Variants in SRGAP2 observed in about 807,000 individuals in gnomAD.
The protein encoded by SRGAP2 is SLIT-ROBO Rho GTPase-activating protein 2.
A neutral mutation model predicts 57.2 loss-of-function variants in SRGAP2; 15 were observed. The ratio of observed to expected loss-of-function variants is 0.26; its 90% CI spans 0.18 to 0.40. SRGAP2 has a LOEUF of 0.40. SRGAP2 is among the 10% of genes least tolerant of loss of function. The pLI, the probability that SRGAP2 is intolerant of heterozygous loss-of-function variation, is 1.00. For missense variants in SRGAP2, 520 were observed against 669.6 expected (o/e 0.78, Z 2.47); for synonymous variants, 249 against 248.0 (o/e 1.00, Z -0.04).
At chr1:206,223,007 C>T (rs530894052) in intron 2 of SRGAP2, among the ~76,000 whole-genome samples, 66 of 151,716 alleles carry the variant, frequency 4.4e-4, no homozygotes, top group Non-Finnish European at 8.8e-4. Context: ...CTCCTGACCT[C>T]AAGTGATCCT....
intron 4 of SRGAP2, among the ~76,000 whole-genome samples, chr1:206,354,819 CT>C (rs1177450158): frequency 2.0e-5 from 3 of 146,654 alleles, no homozygotes; most frequent in Non-Finnish European, 3.0e-5. Context: ...TCTCTTCCCT[CT>C]CCTTTCTCTC....
Position 206,454,779 on chromosome 1 carries a change from G to T in SRGAP2, c.2361-99G>T, listed in dbSNP as rs982197009. On this transcript the variant is annotated intron_variant, in intron 20 of 22. Transcript: ENST00000573034. The surrounding 1 kb of genome is among the most constrained non-coding windows in gnomAD (Gnocchi z 4.3). ...CGCTGCTGCCTCAGAGCTGTGTGGG[G>T]TCGCGTGTATGTCGGGGGGCCATCT... 28 of 638,476 alleles carry T rather than the reference G, an allele frequency of 4.4e-5. No homozygotes were observed. In the South Asian group the frequency reaches 4.8e-4, roughly 11 times the overall value. The allele number at this position is 638,476 out of a possible 1,614,324, so 39.6% of individuals were successfully genotyped here. A position where few individuals can be genotyped will look rare whatever the true frequency, so the allele number is the denominator to read the frequency against.
chr1:206,427,154 G>T (rs1313753701), intron 13 of SRGAP2, among the ~76,000 whole-genome samples: 1 of 152,088 alleles, frequency 6.6e-6, no homozygotes, highest in African/African-American at 2.4e-5. Flanking sequence ...TATGGTGAGA[G>T]ATAGGATCTA....
intron 2 of SRGAP2, among the ~76,000 whole-genome samples, chr1:206,264,076 C>T (rs1450485774): frequency 6.6e-6 from 1 of 151,690 alleles, no homozygotes; most frequent in Non-Finnish European, 1.5e-5. Context: ...AAATGACAAC[C>T]GAGAATGATA....
intron 14 of SRGAP2, 25 bp downstream of exon 14, chr1:206,430,247 A>G (rs370064579): frequency 2.6e-6 from 2 of 780,518 alleles, no homozygotes; most frequent in Middle Eastern, 2.3e-4. Context: ...AGCCTTGTCC[A>G]TATTTGTGCA....
intron 10 of SRGAP2, among the ~76,000 whole-genome samples, chr1:206,414,547 CTT>C (rs1380963890): frequency 6.6e-6 from 1 of 152,182 alleles, no homozygotes; most frequent in African/African-American, 2.4e-5. Context: ...GGCCATTTGA[CTT>C]CTGAGTTCAG....
intron 4 of SRGAP2, among the ~76,000 whole-genome samples, chr1:206,344,198 ATCTAC>A (rs1675444191): frequency 6.8e-6 from 1 of 146,334 alleles, no homozygotes; most frequent in Admixed American, 6.8e-5. Context: ...GGAATCTTCC[ATCTAC>A]CTAATTGCAT....
At chr1:206,451,364 T>C (rs1250870630) in intron 19 of SRGAP2, among the ~76,000 whole-genome samples, 1 of 152,112 alleles carries the variant, frequency 6.6e-6, no homozygotes, top group African/African-American at 2.4e-5. Context: ...GCAGTGCCCA[T>C]GCTTTATGAG....
Position 206,454,222 on chromosome 1 carries a change from G to A in SRGAP2, c.2361-656G>A. 1 of 702,230 alleles carries A rather than the reference G, an allele frequency of 1.4e-6. No individual in the cohort carries two copies. The highest frequency in any genetic ancestry group is 2.6e-6 in the Non-Finnish European group (1 of 384,848). 43.5% of individuals were successfully genotyped at this position (702,230 alleles called of 1,614,324 possible). A position where few individuals can be genotyped will look rare whatever the true frequency, so the allele number is the denominator to read the frequency against. On this transcript the variant is annotated intron_variant, in intron 20 of 22. Coordinates refer to ENST00000573034, the MANE Select transcript of SRGAP2 (RefSeq NM_015326.5). This position sits in a 1 kb window ranked among gnomAD's most constrained non-coding sequence, Gnocchi z 4.3. ...CAGGGAAATCCTCCCTCTGTTGATA[G>A]CATCGCAAACCTGGTGGCAATCTGT...
chr1:206,440,050 A>G lies in SRGAP2; in HGVS notation c.1843A>G (p.Ile615Val), dbSNP rs782270172. 6.4e-6 allele frequency: 5 copies of G among 780,824 alleles called. No individual in the cohort carries two copies. Among genetic ancestry groups the G allele is most frequent in the Non-Finnish European group, 7.2e-6 (3 of 417,998 alleles). The allele number at this position is 780,824 out of a possible 1,614,324, so 48.4% of individuals were successfully genotyped here. ...AGTCCTGCCCAAAACCACTCTGATTATCATGAGATACCTCTTTGCCTTCCT... is the reference window on the plus strand; with the variant it reads ...AGTCCTGCCCAAAACCACTCTGATTGTCATGAGATACCTCTTTGCCTTCCT... ...LLVLPKTTLIIMRYLFAFLNH... is the reference protein window; with the variant it reads ...LLVLPKTTLIVMRYLFAFLNH... The change falls in exon 17 of 23, where the codon ATC becomes GTC. Residue 615 changes from isoleucine (I) to valine (V), a missense_variant. Transcript: ENST00000573034.
intron 3 of SRGAP2, among the ~76,000 whole-genome samples, chr1:206,305,770 A>G (rs1251447535): frequency 6.6e-6 from 1 of 150,572 alleles, no homozygotes; most frequent in Non-Finnish European, 1.5e-5. Context: ...AATACAGGAC[A>G]CAAATTATCC....
chr1:206,425,521 CT>C (rs202139027), intron 13 of SRGAP2, among the ~76,000 whole-genome samples: 1 of 151,326 alleles, frequency 6.6e-6, no homozygotes, highest in East Asian at 1.9e-4. Flanking sequence ...ACTAACCTCA[CT>C]TTTTTTTTGT....
intron 17 of SRGAP2, among the ~76,000 whole-genome samples, chr1:206,440,665 A>T (rs1296020405): frequency 6.6e-6 from 1 of 151,686 alleles, no homozygotes; most frequent in Non-Finnish European, 1.5e-5. Context: ...CTCCTGCCTC[A>T]GCCTCCTGAG....
At chr1:206,448,179 T>C (rs1662938571) in intron 18 of SRGAP2, among the ~76,000 whole-genome samples, 1 of 151,458 alleles carries the variant, frequency 6.6e-6, no homozygotes, top group South Asian at 2.1e-4. Context: ...GTGAGGGTGG[T>C]AGAAGGGGAG....
chr1:206,454,619 T>C lies in SRGAP2; in HGVS notation c.2361-259T>C, dbSNP rs531974236. On this transcript the variant is annotated intron_variant, in intron 20 of 22. Coordinates refer to ENST00000573034, the MANE Select transcript of SRGAP2 (RefSeq NM_015326.5). The surrounding 1 kb of genome is among the most constrained non-coding windows in gnomAD (Gnocchi z 4.3). ...AGAAGGCAGATGCCTCGAATCCAGGTGTCCCCTAGCCACGCTTTCCTGAGG... is the reference window on the plus strand; with the variant it reads ...AGAAGGCAGATGCCTCGAATCCAGGCGTCCCCTAGCCACGCTTTCCTGAGG... 6.4e-6 allele frequency: 3 copies of C among 468,096 alleles called. No individual in the cohort carries two copies. Among genetic ancestry groups the C allele is most frequent in the South Asian group, 6.4e-5 (2 of 31,488 alleles). 29.0% of individuals were successfully genotyped at this position (468,096 alleles called of 1,614,324 possible).
In SRGAP2 at chr1:206,452,018, C is replaced by A. The variant is rs1553376131; in HGVS notation, c.2180-1182C>A. Among the ~76,000 whole-genome samples, 3 of 152,274 alleles carry A rather than the reference C, an allele frequency of 2.0e-5. No individual in the cohort carries two copies. The South Asian group carries it at 6.2e-4, about 32-fold the overall frequency. On this transcript the variant is annotated intron_variant, in intron 19 of 22. Coordinates refer to ENST00000573034, the MANE Select transcript of SRGAP2 (RefSeq NM_015326.5). ...ATCTCAGGTTCCAGCTTTCTGGGAG[C>A]CTTCTCTTTGCTCTTTGATCTCTAC... is the stretch of plus-strand genomic sequence containing the variant.
intron 2 of SRGAP2, among the ~76,000 whole-genome samples, chr1:206,285,543 C>A (rs1296051251): frequency 6.6e-6 from 1 of 152,158 alleles, no homozygotes; most frequent in East Asian, 1.9e-4. Flanking sequence ...GGGGCTCACA[C>A]GGGTACTTTT....
intron 13 of SRGAP2, among the ~76,000 whole-genome samples, chr1:206,425,312 G>T (rs1353442422): frequency 3.3e-5 from 5 of 152,134 alleles, no homozygotes; most frequent in Non-Finnish European, 7.4e-5. Flanking sequence ...CATACAATTT[G>T]TAATAACCAA....
intron 2 of SRGAP2, among the ~76,000 whole-genome samples, chr1:206,296,497 A>C (rs1671604142): frequency 6.6e-6 from 1 of 151,468 alleles, no homozygotes; most frequent in African/African-American, 2.4e-5. Flanking sequence ...TGGCACAATC[A>C]CGGCTCACTG....
Sources: allele counts gnomAD v4.1 joint callset (sites outside exome capture counted in the v4.1 genomes callset), GRCh38; gene constraint gnomAD v4.1.1; non-coding constraint Gnocchi (gnomAD v3.1); transcripts MANE v1.5; gene names NCBI Gene and HGNC (gene_info 2026-07-23, HGNC 2026-07-21).